TEK: variants seen among roughly 807,000 people sequenced by gnomAD.
The protein encoded by TEK is angiopoietin-1 receptor.
In TEK, 43 loss-of-function variants were observed where a neutral mutation model predicts 131.8. That is an observed-to-expected ratio of 0.33 (90% CI 0.26 to 0.42). The LOEUF (loss-of-function observed/expected upper bound fraction) is 0.42. Among genes scored for constraint, TEK ranks in the 10% least tolerant of loss-of-function variants. The pLI is 1.00. For missense variants in TEK, 1,162 were observed against 1,384.4 expected (o/e 0.84, Z 2.55); for synonymous variants, 580 against 491.6 (o/e 1.18, Z -2.38).
chr9:27,113,212 A>G (rs533770379), intron 1 of TEK, among the ~76,000 whole-genome samples: 2 of 152,186 alleles, frequency 1.3e-5, no homozygotes, highest in African/African-American at 4.8e-5. Flanking sequence ...TCTTTTATGG[A>G]TGAAATACCC....
At chr9:27,119,433 C>G (rs1483167222) in intron 1 of TEK, among the ~76,000 whole-genome samples, 1 of 152,110 alleles carries the variant, frequency 6.6e-6, no homozygotes, top group East Asian at 1.9e-4. Flanking sequence ...TCATATGTTA[C>G]CTTATGTTAC....
intron 16 of TEK, 100 bp downstream of exon 16, chr9:27,209,331 A>G: frequency 1.1e-6 from 1 of 900,958 alleles, no homozygotes; most frequent in Non-Finnish European, 1.8e-6. Context: ...AATGTTGCCT[A>G]TTTTTTTTAA....
intron 1 of TEK, among the ~76,000 whole-genome samples, chr9:27,153,511 T>G (rs181435356): frequency 1.8e-3 from 274 of 152,358 alleles, no homozygotes; most frequent in African/African-American, 6.5e-3. Context: ...TCTCTAAAAC[T>G]TATAAGATGT....
chr9:27,147,388 G>T, intron 1 of TEK, among the ~76,000 whole-genome samples: 1 of 151,120 alleles, frequency 6.6e-6, no homozygotes, highest in South Asian at 2.1e-4. Context: ...ATTTTCTCTG[G>T]TGAAGTGTCT....
In TEK at chr9:27,204,934, A is replaced by G; in HGVS notation, c.2233A>G (p.Lys745Glu). The change falls in exon 14 of 23, where the codon AAG becomes GAG. Residue 745 changes from lysine (K) to glutamate (E), a missense_variant. Physicochemically the swap from Lys to Glu is moderately conservative, Grantham distance 56. Coordinates refer to ENST00000380036, the MANE Select transcript of TEK (RefSeq NM_000459.5). ...AGCACCAGCGGACCTCGGAGGGGGG[A>G]AGATGCTGCTTATAGCCATCCTTGG... ...SQAPADLGGG[K>E]MLLIAILGSA... The G allele has an allele frequency of 2.5e-6, 4 of 1,613,778 alleles. No individual in the cohort carries two copies. The highest frequency in any genetic ancestry group is 3.4e-6 in the Non-Finnish European group (4 of 1,179,860).
At chr9:27,122,089 A>G (rs1330793403) in intron 1 of TEK, among the ~76,000 whole-genome samples, 1 of 152,206 alleles carries the variant, frequency 6.6e-6, no homozygotes, top group Non-Finnish European at 1.5e-5. Context: ...CGAGCAGGCA[A>G]TGCCCGTCAG....
chr9:27,173,119 T>C (rs1318824632), intron 5 of TEK, 103 bp from the exon 6 acceptor site: 1 of 1,474,942 alleles, frequency 6.8e-7, no homozygotes, highest in African/African-American at 1.4e-5. Context: ...GAGATTTGAC[T>C]GTTTCCCATA....
intron 6 of TEK, 43 bp downstream of exon 6, chr9:27,173,405 G>C: frequency 2.0e-5 from 32 of 1,612,742 alleles, no homozygotes; most frequent in Non-Finnish European, 2.7e-5. Flanking sequence ...GTTCTAGCAG[G>C]TATATAAAGG....
Position 27,109,387 on chromosome 9 carries a change from G to C in TEK, c.-204G>C. The C allele has an allele frequency of 1.5e-6, 1 of 652,554 alleles. No individual in the cohort carries two copies. Among genetic ancestry groups the C allele is most frequent in the Non-Finnish European group, 2.7e-6 (1 of 365,050 alleles). 40.4% of individuals were successfully genotyped at this position (652,554 alleles called of 1,614,324 possible). ...CCATCCTAATCTACAAAGGAAACAGGAAAAAGGAACTTAAAACTCCCTGTG... is the reference window on the plus strand; with the variant it reads ...CCATCCTAATCTACAAAGGAAACAGCAAAAAGGAACTTAAAACTCCCTGTG... On this transcript the variant is annotated 5_prime_UTR_variant, in exon 1 of 23. Transcript: ENST00000380036.
chr9:27,154,731 G>A (rs1330152408), intron 1 of TEK, among the ~76,000 whole-genome samples: 1 of 152,194 alleles, frequency 6.6e-6, no homozygotes, highest in African/African-American at 2.4e-5. Context: ...TTCTGGTACT[G>A]TAAATGGGGT....
chr9:27,137,578 C>G (rs562950536), intron 1 of TEK, among the ~76,000 whole-genome samples: 15 of 152,186 alleles, frequency 9.9e-5, no homozygotes, highest in Admixed American at 9.8e-4. Flanking sequence ...TTGAGTTCAA[C>G]TTTAGGAATT....
At chr9:27,115,848 T>G (rs972481500) in intron 1 of TEK, among the ~76,000 whole-genome samples, 1 of 152,146 alleles carries the variant, frequency 6.6e-6, no homozygotes, top group Admixed American at 6.5e-5. Flanking sequence ...AGGTAGAGAA[T>G]TAAAGTTGGG....
At chr9:27,129,160 A>C (rs1431186048) in intron 1 of TEK, among the ~76,000 whole-genome samples, 2 of 152,064 alleles carry the variant, frequency 1.3e-5, no homozygotes, top group African/African-American at 4.8e-5. Context: ...ATCAATACCT[A>C]GTTTATTGAG....
At chr9:27,167,443 G>C (rs186813481) in intron 2 of TEK, among the ~76,000 whole-genome samples, 1 of 152,056 alleles carries the variant, frequency 6.6e-6, no homozygotes, top group Non-Finnish European at 1.5e-5. Context: ...GGCCAGGCTC[G>C]TCTCGAACTC....
At chr9:27,224,473 A>G (rs1826224807) in intron 21 of TEK, among the ~76,000 whole-genome samples, 1 of 152,152 alleles carries the variant, frequency 6.6e-6, no homozygotes. Context: ...ATCAATAAAC[A>G]TAATCCATCA....
chr9:27,125,563 G>A lies in TEK; in HGVS notation c.52+15921G>A, dbSNP rs555272402. Among the ~76,000 whole-genome samples the A allele has an allele frequency of 6.6e-5, 10 of 152,224 alleles. No homozygotes were observed. In the East Asian group the frequency reaches 1.9e-3, roughly 29 times the overall value. On this transcript the variant is annotated intron_variant, in intron 1 of 22. Transcript: ENST00000380036. ...CCAGGCAGTTGAGAACACAGACTCC[G>A]GTGCCAGATAAATCTGGGTTGGAGC...
chr9:27,185,040 C>CAA lies in TEK; in HGVS notation c.1183-433_1183-432dup, dbSNP rs112626612. Reference sequence around the variant, plus strand: ...CAAGGAACAAGACTTTGTTGTCTCTCAAAAAAAAAAAAATGGCAGAGGTCC... The same window carrying CAA: ...CAAGGAACAAGACTTTGTTGTCTCTCAAAAAAAAAAAAAAATGGCAGAGGTCC... On this transcript the variant is annotated intron_variant, in intron 8 of 22. Coordinates refer to ENST00000380036, the MANE Select transcript of TEK (RefSeq NM_000459.5). 1.9e-3 allele frequency among the ~76,000 whole-genome samples: 280 copies of CAA among 144,316 alleles called. 2 individuals are homozygous for CAA. The highest frequency in any genetic ancestry group is 6.2e-3 in the African/African-American group (243 of 39,156). 94.7% of individuals were successfully genotyped at this position (144,316 alleles called of 152,430 possible). A position where few individuals can be genotyped will look rare whatever the true frequency, so the allele number is the denominator to read the frequency against.
chr9:27,110,700 CAA>C (rs1420874502), intron 1 of TEK, among the ~76,000 whole-genome samples: 1 of 152,054 alleles, frequency 6.6e-6, no homozygotes, highest in African/African-American at 2.4e-5. Flanking sequence ...ATTCAAAAAA[CAA>C]ATCCAATGAA....
At chr9:27,123,227 G>A (rs652010) in intron 1 of TEK, among the ~76,000 whole-genome samples, 26,792 of 151,738 alleles carry the variant, frequency 0.18, 2,996 homozygotes, top group East Asian at 0.53. Flanking sequence ...TTCCTTTCTG[G>A]GAGATGTCTC....
Sources: allele counts gnomAD v4.1 joint callset (sites outside exome capture counted in the v4.1 genomes callset), GRCh38; gene constraint gnomAD v4.1.1; transcripts MANE v1.5; gene names NCBI Gene and HGNC (gene_info 2026-07-23, HGNC 2026-07-21).